The following DNER variants were observed in gnomAD, a reference collection of about 807,000 sequenced individuals.
DNER encodes delta/notch like EGF repeat containing, also known as delta and Notch-like epidermal growth factor-related receptor.
DNER carries 33 observed loss-of-function variants against 78.2 expected under a neutral mutation model. The ratio of observed to expected loss-of-function variants is 0.42; its 90% CI spans 0.32 to 0.56. The LOEUF is 0.56. Ranked by LOEUF, DNER falls within the 20% of genes least tolerant of loss-of-function variation. The pLI, the probability that DNER is intolerant of heterozygous loss-of-function variation, is 0.11. For synonymous variants in DNER, 417 were observed against 384.8 expected (o/e 1.08, Z -0.98); for missense variants, 918 against 975.3 (o/e 0.94, Z 0.78).
At chr2:229,486,131 C>T (rs1037988324) in intron 6 of DNER, among the ~76,000 whole-genome samples, 2 of 152,022 alleles carry the variant, frequency 1.3e-5, no homozygotes, top group Non-Finnish European at 2.9e-5. Flanking sequence ...AGAAGTAAAC[C>T]GGGGGAATAA....
At chr2:229,606,616 G>C (rs1432792237) in intron 1 of DNER, among the ~76,000 whole-genome samples, 1 of 152,202 alleles carries the variant, frequency 6.6e-6, no homozygotes, top group African/African-American at 2.4e-5. Flanking sequence ...TTTAGGGCCA[G>C]GCGCAGTGGC....
At chr2:229,418,047 T>G (rs1406378690) in intron 9 of DNER, 61 bp downstream of exon 9, 1 of 1,611,904 alleles carries the variant, frequency 6.2e-7, no homozygotes, top group Non-Finnish European at 8.5e-7. Flanking sequence ...GCATTTACAC[T>G]GAGAAATACA....
chr2:229,537,086 G>A (rs879398682), intron 5 of DNER, among the ~76,000 whole-genome samples: 7 of 152,118 alleles, frequency 4.6e-5, no homozygotes, highest in East Asian at 1.9e-4. Context: ...GGCTGGCAGC[G>A]TAGGCATTGC....
intron 6 of DNER, among the ~76,000 whole-genome samples, chr2:229,511,757 G>A (rs1695867658): frequency 6.6e-6 from 1 of 152,182 alleles, no homozygotes; most frequent in Admixed American, 6.5e-5. Flanking sequence ...ACATGTCCAA[G>A]CCTCTATTGG....
chr2:229,578,054 G>T (rs900966367), intron 4 of DNER, among the ~76,000 whole-genome samples: 20 of 152,200 alleles, frequency 1.3e-4, no homozygotes, highest in Non-Finnish European at 2.4e-4. Flanking sequence ...TAAAGTCAGA[G>T]TGTACAGAAA....
chr2:229,619,996 T>G (rs1052197591), intron 1 of DNER, among the ~76,000 whole-genome samples: 10 of 152,256 alleles, frequency 6.6e-5, no homozygotes, highest in Non-Finnish European at 1.2e-4. Context: ...AGTATTCTTT[T>G]ATTATTATGA....
At chr2:229,604,141 G>C (rs1697888081) in intron 1 of DNER, among the ~76,000 whole-genome samples, 1 of 152,230 alleles carries the variant, frequency 6.6e-6, no homozygotes, top group South Asian at 2.1e-4. Context: ...GGAAACTCAA[G>C]TCAGAGTAGC....
intron 11 of DNER, among the ~76,000 whole-genome samples, chr2:229,385,100 T>C (rs1289126719): frequency 9.0e-6 from 1 of 110,932 alleles, no homozygotes; most frequent in African/African-American, 3.4e-5. Flanking sequence ...AGACTCCATC[T>C]AAAAAAAAAA....
At chr2:229,422,109 C>T (rs73100268) in intron 8 of DNER, among the ~76,000 whole-genome samples, 14,115 of 152,064 alleles carry the variant, frequency 0.093, 2,165 homozygotes, top group African/African-American at 0.32. Flanking sequence ...TCTTCAGAGA[C>T]GGTAACATTT....
At chr2:229,516,254 G>C (rs1695968702) in intron 5 of DNER, among the ~76,000 whole-genome samples, 1 of 152,096 alleles carries the variant, frequency 6.6e-6, no homozygotes, top group Admixed American at 6.6e-5. Flanking sequence ...ATATTAAAAA[G>C]TTTGTTTTGA....
chr2:229,677,328 T>C (rs1224442747), intron 1 of DNER, among the ~76,000 whole-genome samples: 2 of 152,140 alleles, frequency 1.3e-5, no homozygotes, highest in Admixed American at 1.3e-4. Context: ...ACTTCTGTCT[T>C]CCCACCATAT....
chr2:229,649,827 C>A (rs1314094829), intron 1 of DNER, among the ~76,000 whole-genome samples: 5 of 152,152 alleles, frequency 3.3e-5, no homozygotes, highest in African/African-American at 7.2e-5. Context: ...GTAATCCCAG[C>A]ACTTTGGGAG....
intron 1 of DNER, among the ~76,000 whole-genome samples, chr2:229,684,596 A>G (rs576030902): frequency 1.3e-5 from 2 of 152,054 alleles, no homozygotes; most frequent in East Asian, 1.9e-4. Flanking sequence ...ACGTACCTCA[A>G]ACTGAGCTCC....
At chr2:229,487,404 A>T (rs779417141) in intron 6 of DNER, among the ~76,000 whole-genome samples, 14 of 152,124 alleles carry the variant, frequency 9.2e-5, no homozygotes, top group Non-Finnish European at 2.9e-5. Context: ...TGCAATATTG[A>T]TACAGTCCAT....
chr2:229,482,137 C>T (rs1213139723), intron 6 of DNER, among the ~76,000 whole-genome samples: 2 of 152,256 alleles, frequency 1.3e-5, no homozygotes, highest in Non-Finnish European at 1.5e-5. Flanking sequence ...TTTCCTCTAG[C>T]TAGTGGTACT....
chr2:229,624,731 T>C (rs1698307593), intron 1 of DNER, among the ~76,000 whole-genome samples: 2 of 152,234 alleles, frequency 1.3e-5, no homozygotes, highest in Non-Finnish European at 2.9e-5. Flanking sequence ...TTTTTCTCTC[T>C]GCATTTTTTA....
intron 5 of DNER, among the ~76,000 whole-genome samples, chr2:229,538,650 T>C (rs1204123689): frequency 6.6e-6 from 1 of 152,206 alleles, no homozygotes; most frequent in Non-Finnish European, 1.5e-5. Flanking sequence ...TACTGTGGAA[T>C]GAATAAATCA....
chr2:229,473,295 T>G (rs907439405), intron 7 of DNER, among the ~76,000 whole-genome samples: 1 of 152,246 alleles, frequency 6.6e-6, no homozygotes, highest in Non-Finnish European at 1.5e-5. Context: ...GCATGCATTT[T>G]ACTTATGATT....
At chr2:229,433,736 T>A (rs1161644805) in intron 8 of DNER, among the ~76,000 whole-genome samples, 5 of 152,178 alleles carry the variant, frequency 3.3e-5, no homozygotes, top group Non-Finnish European at 5.9e-5. Context: ...AAGATTAAGA[T>A]TTTGAGTAAC....
Sources: gnomAD v4.1 joint callset for allele counts (sites outside exome capture counted in the v4.1 genomes callset) on GRCh38, gnomAD v4.1.1 for gene constraint, MANE v1.5 for transcripts, NCBI Gene and HGNC (gene_info 2026-07-23, HGNC 2026-07-21) for gene names.